Variants in SLC38A4 observed in about 807,000 individuals in gnomAD.
The protein encoded by SLC38A4 is sodium-coupled neutral amino acid transporter 4.
SLC38A4 carries 20 observed loss-of-function variants against 63.1 expected under a neutral mutation model. The observed-to-expected ratio is 0.32, with a 90% CI of 0.22 to 0.46. The LOEUF (loss-of-function observed/expected upper bound fraction) is 0.46, where lower values mean the gene tolerates loss of function less well. SLC38A4 is among the 20% of genes least tolerant of loss of function. SLC38A4 has a pLI of 1.00. For synonymous variants in SLC38A4, 230 were observed against 225.5 expected (o/e 1.02, Z -0.18); for missense variants, 526 against 663.6 (o/e 0.79, Z 2.28).
rs754346126 is a variant in SLC38A4, at chr12:46,775,102, G to A, written c.1246C>T (p.Arg416Cys). ...YTLDIPLLMV[R>C]LAVLVAVTLT... The stretch of plus-strand genomic sequence containing the variant: ...GTTACTGCCACAAGGACTGCCAGGC[G>A]AACCATGAGAAGAGGGATGTCTAAT... The change falls in exon 14 of 17, where the codon CGC becomes TGC. Residue 416 changes from arginine to cysteine, a missense_variant. Arg to Cys is a radical substitution (Grantham distance 180). Transcript: ENST00000266579. The A allele has an allele frequency of 3.7e-6, 6 of 1,612,744 alleles. No homozygotes were observed. The highest frequency in any genetic ancestry group is 1.6e-4 in the Middle Eastern group (1 of 6,072).
intron 14 of SLC38A4, 78 bp from the exon 15 acceptor site, chr12:46,769,506 C>A: frequency 2.1e-6 from 3 of 1,451,922 alleles, no homozygotes; most frequent in East Asian, 4.6e-5. Context: ...TCTCATCACT[C>A]TAATGCATTT....
intron 1 of SLC38A4, among the ~76,000 whole-genome samples, chr12:46,822,587 G>T (rs1213611018): frequency 6.6e-6 from 1 of 152,164 alleles, no homozygotes; most frequent in Non-Finnish European, 1.5e-5. Flanking sequence ...TGTTGAACAT[G>T]ATTCAAAAGA....
intron 1 of SLC38A4, among the ~76,000 whole-genome samples, chr12:46,815,421 A>G (rs993697505): frequency 9.9e-5 from 15 of 151,110 alleles, no homozygotes; most frequent in African/African-American, 3.6e-4. Context: ...CCTCTCTTCC[A>G]TCCTTCCCTT....
chr12:46,777,456 C>T (rs534486704), intron 12 of SLC38A4, among the ~76,000 whole-genome samples: 2 of 151,910 alleles, frequency 1.3e-5, no homozygotes, highest in Non-Finnish European at 2.9e-5. Context: ...ACCTGGCTGC[C>T]AAAGATCAAT....
At chr12:46,802,126 T>G (rs943448340) in intron 2 of SLC38A4, among the ~76,000 whole-genome samples, 1 of 152,060 alleles carries the variant, frequency 6.6e-6, no homozygotes, top group Non-Finnish European at 1.5e-5. Flanking sequence ...GGTCATAAGA[T>G]TTGAATATGC....
Position 46,785,185 on chromosome 12 carries a change from G to A in SLC38A4, c.327-8C>T, listed in dbSNP as rs762812487. 5.0e-6 allele frequency: 8 copies of A among 1,606,804 alleles called. No individual in the cohort carries two copies. Among genetic ancestry groups the A allele is most frequent in the Non-Finnish European group, 4.3e-6 (5 of 1,174,340 alleles). ...ACAGCAAGCAGCATGATTCTGCAAA[G>A]GGAAGAGAGAGTAGGTAATAAAGTT... On this transcript the variant is annotated splice_region_variant and splice_polypyrimidine_tract_variant and intron_variant, in intron 5 of 16. Coordinates refer to ENST00000266579, the MANE Select transcript of SLC38A4 (RefSeq NM_018018.5).
chr12:46,819,295 G>A (rs989030290), intron 1 of SLC38A4, among the ~76,000 whole-genome samples: 2 of 151,476 alleles, frequency 1.3e-5, no homozygotes, highest in Non-Finnish European at 3.0e-5. Context: ...CTAACTAAGG[G>A]GAGGGAGGGG....
At chr12:46,821,003 G>A (rs540263133) in intron 1 of SLC38A4, among the ~76,000 whole-genome samples, 5 of 151,796 alleles carry the variant, frequency 3.3e-5, no homozygotes, top group African/African-American at 4.8e-5. Context: ...CAAGTCCTTC[G>A]ATCCTTTTTT....
chr12:46,787,878 G>T, intron 5 of SLC38A4, 38 bp downstream of exon 5: 1 of 1,466,160 alleles, frequency 6.8e-7, no homozygotes, highest in Non-Finnish European at 9.5e-7. Flanking sequence ...GGTATGCATG[G>T]ACTTCATCAC....
intron 2 of SLC38A4, among the ~76,000 whole-genome samples, chr12:46,794,345 C>T (rs1938956954): frequency 6.6e-6 from 1 of 151,790 alleles, no homozygotes; most frequent in Non-Finnish European, 1.5e-5. Flanking sequence ...CCAGTAGGCA[C>T]AAGAAATGAT....
chr12:46,788,652 A>G (rs1010540216), intron 3 of SLC38A4, 34 bp from the exon 4 acceptor site: 1 of 1,535,428 alleles, frequency 6.5e-7, no homozygotes. Flanking sequence ...AGAAAGTGAA[A>G]ACATCTAAAT....
chr12:46,788,453 T>C (rs1938810051), intron 4 of SLC38A4, 75 bp downstream of exon 4: 2 of 1,205,916 alleles, frequency 1.7e-6, no homozygotes, highest in African/African-American at 1.5e-5. Flanking sequence ...TCAGTCACAT[T>C]GTTTTCCCAC....
chr12:46,789,582 G>A (rs2120819633), intron 3 of SLC38A4, among the ~76,000 whole-genome samples: 1 of 152,230 alleles, frequency 6.6e-6, no homozygotes, highest in East Asian at 1.9e-4. Flanking sequence ...TTTCCAAGAG[G>A]CTCAATTAAT....
At chr12:46,807,072 C>A (rs1939248493) in intron 1 of SLC38A4, among the ~76,000 whole-genome samples, 1 of 151,828 alleles carries the variant, frequency 6.6e-6, no homozygotes, top group South Asian at 2.1e-4. Flanking sequence ...CTCGTCATGA[C>A]TATACCTAAA....
In SLC38A4 at chr12:46,765,350, T is replaced by C; in HGVS notation, c.*1351A>G. ...CACTTATACTTTTACAGAGAACCAC[T>C]CAACACTGTATTAAATGGCCAATGA... On this transcript the variant is annotated 3_prime_UTR_variant, in exon 17 of 17. Coordinates refer to ENST00000266579, the MANE Select transcript of SLC38A4 (RefSeq NM_018018.5). The C allele has an allele frequency of 4.6e-6, 1 of 217,204 alleles. No individual in the cohort carries two copies. The allele number at this position is 217,204 out of a possible 1,614,324, so 13.5% of individuals were successfully genotyped here.
chr12:46,811,430 GGCAGA>G (rs1939338286), intron 1 of SLC38A4, among the ~76,000 whole-genome samples: 1 of 151,954 alleles, frequency 6.6e-6, no homozygotes, highest in African/African-American at 2.4e-5. Context: ...GCAGACTGCA[GGCAGA>G]GCAGATGGCA....
intron 1 of SLC38A4, among the ~76,000 whole-genome samples, chr12:46,804,084 A>T (rs1218192806): frequency 2.6e-5 from 4 of 152,056 alleles, no homozygotes; most frequent in African/African-American, 9.7e-5. Flanking sequence ...CATAATCGAA[A>T]TCTCCAGAAA....
At chr12:46,827,215 C>T (rs1939669813), upstream of SLC38A4, among the ~76,000 whole-genome samples, 1 of 152,160 alleles carries the variant, frequency 6.6e-6, no homozygotes, top group African/African-American at 2.4e-5. Context: ...GTTCTTTTTT[C>T]CATCTCCTCT....
At chr12:46,781,286 A>AT (rs1938632680) in intron 7 of SLC38A4, among the ~76,000 whole-genome samples, 1 of 152,054 alleles carries the variant, frequency 6.6e-6, no homozygotes, top group Non-Finnish European at 1.5e-5. Context: ...AAGTGAAATG[A>AT]TTTTTACAAT....
Sources: gnomAD v4.1 joint callset for allele counts (sites outside exome capture counted in the v4.1 genomes callset) on GRCh38, gnomAD v4.1.1 for gene constraint, MANE v1.5 for transcripts, NCBI Gene and HGNC (gene_info 2026-07-23, HGNC 2026-07-21) for gene names.